Variants in APBA2 observed in about 807,000 individuals in gnomAD.
APBA2 encodes the protein amyloid beta precursor protein binding family A member 2.
Under a neutral mutation model 75.0 loss-of-function variants are expected in APBA2, and 30 were observed. That is an observed-to-expected ratio of 0.40 (90% CI 0.30 to 0.54). APBA2 has a LOEUF of 0.54. Among genes scored for constraint, APBA2 ranks in the 20% least tolerant of loss-of-function variants. APBA2 has a pLI of 0.49. For missense variants in APBA2, 801 were observed against 1,016.1 expected (o/e 0.79, Z 2.88); for synonymous variants, 444 against 409.6 (o/e 1.08, Z -1.01).
intron 2 of APBA2, among the ~76,000 whole-genome samples, chr15:28,984,645 CATCTCTGGGT>C (rs1265812724): frequency 6.6e-6 from 1 of 151,964 alleles, no homozygotes; most frequent in Non-Finnish European, 1.5e-5. Flanking sequence ...CCCCCACTGC[CATCTCTGGGT>C]GCTGGGGGAG....
intron 2 of APBA2, among the ~76,000 whole-genome samples, chr15:28,987,295 A>T (rs941550746): frequency 6.6e-6 from 1 of 152,218 alleles, no homozygotes; most frequent in Non-Finnish European, 1.5e-5. Context: ...AACATTTATT[A>T]TCTCACACAT....
In APBA2 at chr15:28,958,837, A is replaced by C. The variant is rs1179693046; in HGVS notation, c.-94-36916A>C. Among the ~76,000 whole-genome samples, 5 of 151,524 alleles carry C rather than the reference A, an allele frequency of 3.3e-5. No individual in the cohort carries two copies. The East Asian group carries it at 9.7e-4, about 30-fold the overall frequency. ...CCAACTTTTTTTTTTTTGACTGCAG[A>C]AATGCCTTTTTAATATCAGAAAATT... On this transcript the variant is annotated intron_variant, in intron 2 of 14. Transcript: ENST00000683413.
rs564522668 is a variant in APBA2, at chr15:28,918,679, G to C, written c.-204-2961G>C. Among the ~76,000 whole-genome samples the C allele has an allele frequency of 2.0e-5, 3 of 152,228 alleles. No individual in the cohort carries two copies. The highest frequency in any genetic ancestry group is 3.4e-3 in the Middle Eastern group (1 of 294). ...TGCAGCGGGGCCTATGCAGGATCCC[G>C]GTTGGAGGGGGCTGCAGAGGCTACT... is the stretch of plus-strand genomic sequence containing the variant. On this transcript the variant is annotated intron_variant, in intron 1 of 14. Transcript: ENST00000683413. The surrounding 1 kb of genome is among the most constrained non-coding windows in gnomAD (Gnocchi z 4.2).
At chr15:29,072,776 G>C (rs1019179470) in intron 4 of APBA2, among the ~76,000 whole-genome samples, 1 of 152,146 alleles carries the variant, frequency 6.6e-6, no homozygotes, top group Non-Finnish European at 1.5e-5. Context: ...GTCTGGCTAG[G>C]CCTGTGAGCC....
chr15:29,097,246 C>T (rs867848576), intron 8 of APBA2, among the ~76,000 whole-genome samples: 4 of 152,260 alleles, frequency 2.6e-5, no homozygotes, highest in Non-Finnish European at 5.9e-5. Context: ...ATCCAGGAAA[C>T]GTAACCTGAG....
intron 14 of APBA2, among the ~76,000 whole-genome samples, chr15:29,115,129 C>T (rs1190006309): frequency 6.6e-6 from 1 of 151,862 alleles, no homozygotes; most frequent in Admixed American, 6.6e-5. Context: ...ACAGAGGGGC[C>T]CGCTGGGGAC....
At chr15:28,969,174 T>TTCTG in intron 2 of APBA2, among the ~76,000 whole-genome samples, 1 of 114,938 alleles carries the variant, frequency 8.7e-6, no homozygotes, top group South Asian at 2.8e-4. Context: ...CTTTCTTTCT[T>TTCTG]TCTTTCTTTT....
At chr15:29,096,698 C>A (rs901964426) in intron 8 of APBA2, among the ~76,000 whole-genome samples, 1 of 152,202 alleles carries the variant, frequency 6.6e-6, no homozygotes, top group African/African-American at 2.4e-5. Context: ...CTCTAAAACT[C>A]AAAATTCTTG....
chr15:29,090,362 A>G (rs1347782088), intron 6 of APBA2, among the ~76,000 whole-genome samples: 2 of 152,192 alleles, frequency 1.3e-5, no homozygotes, highest in African/African-American at 4.8e-5. Flanking sequence ...CGCTCACTTC[A>G]GGGGGAGACG....
At chr15:28,954,072 C>T (rs2036034984) in intron 2 of APBA2, among the ~76,000 whole-genome samples, 1 of 152,078 alleles carries the variant, frequency 6.6e-6, no homozygotes, top group Non-Finnish European at 1.5e-5. Context: ...CTTCCGGACA[C>T]CTAGACCATA....
At chr15:28,955,391 G>T (rs1323292474) in intron 2 of APBA2, among the ~76,000 whole-genome samples, 1 of 152,134 alleles carries the variant, frequency 6.6e-6, no homozygotes, top group Non-Finnish European at 1.5e-5. Context: ...TCTTGCTAAG[G>T]TCATACCAGT....
At chr15:29,097,652 T>C (rs1316682907) in intron 8 of APBA2, among the ~76,000 whole-genome samples, 1 of 152,194 alleles carries the variant, frequency 6.6e-6, no homozygotes, top group Non-Finnish European at 1.5e-5. Flanking sequence ...CATCACCTAG[T>C]TTTAATTTTT....
intron 3 of APBA2, among the ~76,000 whole-genome samples, chr15:29,051,481 A>G (rs1451396538): frequency 1.3e-5 from 2 of 152,138 alleles, no homozygotes; most frequent in Non-Finnish European, 2.9e-5. Flanking sequence ...CGGAGTAAAC[A>G]TTGCTTCTTT....
In APBA2 at chr15:29,094,317, T is replaced by C; in HGVS notation, c.1251+4T>C. On this transcript the variant is annotated splice_donor_region_variant and intron_variant, in intron 8 of 14. Transcript: ENST00000683413. ...TGCTAAGATCAAGAAAAAAGCGGTGTGTAGGGCCTTGAGGCCCTGGGACAG... is the reference window on the plus strand; with the variant it reads ...TGCTAAGATCAAGAAAAAAGCGGTGCGTAGGGCCTTGAGGCCCTGGGACAG... 1 of 1,614,144 alleles carries C rather than the reference T, an allele frequency of 6.2e-7. No individual in the cohort carries two copies. Among genetic ancestry groups the C allele is most frequent in the Non-Finnish European group, 8.5e-7 (1 of 1,179,946 alleles).
At chr15:28,966,651 G>T (rs761677035) in intron 2 of APBA2, among the ~76,000 whole-genome samples, 1 of 152,162 alleles carries the variant, frequency 6.6e-6, no homozygotes, top group Non-Finnish European at 1.5e-5. Flanking sequence ...GTTATTTGAT[G>T]TAGTTAGACC....
chr15:29,103,136 C>G (rs530933044), intron 10 of APBA2, among the ~76,000 whole-genome samples: 1 of 152,346 alleles, frequency 6.6e-6, no homozygotes, highest in East Asian at 1.9e-4. Context: ...GCCACAGGTA[C>G]TGGCGGAATG....
At chr15:29,062,296 G>A (rs1431170987) in intron 4 of APBA2, among the ~76,000 whole-genome samples, 4 of 152,172 alleles carry the variant, frequency 2.6e-5, no homozygotes, top group African/African-American at 9.7e-5. Context: ...GTGCTCCTGT[G>A]TCCCCTGTCG....
intron 10 of APBA2, among the ~76,000 whole-genome samples, chr15:29,103,053 C>G (rs933836022): frequency 1.3e-5 from 2 of 152,336 alleles, no homozygotes; most frequent in East Asian, 1.9e-4. Context: ...ACACGGAGAC[C>G]CTTCGAAACC....
At chr15:28,899,333 G>T (rs1376157705) in intron 1 of APBA2, among the ~76,000 whole-genome samples, 1 of 152,198 alleles carries the variant, frequency 6.6e-6, no homozygotes, top group Admixed American at 6.5e-5. Flanking sequence ...ACTCTACTTT[G>T]CCCCTTCCGG....
Sources: allele counts gnomAD v4.1 joint callset (sites outside exome capture counted in the v4.1 genomes callset), GRCh38; gene constraint gnomAD v4.1.1; non-coding constraint Gnocchi (gnomAD v3.1); transcripts MANE v1.5; gene names NCBI Gene and HGNC (gene_info 2026-07-23, HGNC 2026-07-21).